HOMER2: variants seen among roughly 807,000 people sequenced by gnomAD.
The protein encoded by HOMER2 is homer protein homolog 2.
HOMER2 carries 27 observed loss-of-function variants against 47.0 expected under a neutral mutation model. The ratio of observed to expected loss-of-function variants is 0.57; its 90% confidence interval spans 0.42 to 0.79. The LOEUF (loss-of-function observed/expected upper bound fraction) is 0.79, where lower values mean the gene tolerates loss of function less well. Among genes scored for constraint, HOMER2 ranks in the 30% least tolerant of loss-of-function variants. The pLI is 0.00. For synonymous variants in HOMER2, 161 were observed against 163.8 expected (o/e 0.98, Z 0.13); for missense variants, 443 against 435.0 (o/e 1.02, Z -0.16).
At chr15:82,959,888 G>A (rs746537679) in intron 1 of HOMER2, among the ~76,000 whole-genome samples, 7 of 152,204 alleles carry the variant, frequency 4.6e-5, no homozygotes, top group Non-Finnish European at 1.0e-4. Context: ...CAAAGAATTT[G>A]TAAGGCCAGG....
chr15:82,900,579 T>G (rs1178414058), intron 1 of HOMER2, among the ~76,000 whole-genome samples: 1 of 152,206 alleles, frequency 6.6e-6, no homozygotes, highest in Non-Finnish European at 1.5e-5. Context: ...TATAAAGTTA[T>G]AGCAAACAAG....
chr15:82,908,941 A>G (rs750234), intron 1 of HOMER2, among the ~76,000 whole-genome samples: 91,624 of 151,694 alleles, frequency 0.6, 28,160 homozygotes, highest in African/African-American at 0.72. Context: ...AGACAACACC[A>G]GGGAGCCCAC....
chr15:82,902,568 T>C (rs774215375), intron 1 of HOMER2, among the ~76,000 whole-genome samples: 3 of 152,158 alleles, frequency 2.0e-5, no homozygotes, highest in African/African-American at 7.2e-5. Flanking sequence ...TCTGAGACAG[T>C]TGAATTCAAG....
chr15:82,840,853 G>A (rs1287895847), exon 2 of HOMER2: 1 of 151,136 alleles, frequency 6.6e-6, no homozygotes, highest in African/African-American at 2.4e-5. Context: ...GGCACTACTA[G>A]ATTTGGACAG....
chr15:82,966,725 T>A (rs967069367), intron 1 of HOMER2, among the ~76,000 whole-genome samples: 2 of 152,248 alleles, frequency 1.3e-5, no homozygotes, highest in Non-Finnish European at 2.9e-5. Flanking sequence ...ATTTCATGAC[T>A]GACATCTACT....
chr15:82,888,819 G>A (rs1596324326), intron 2 of HOMER2, among the ~76,000 whole-genome samples: 1 of 37,704 alleles, frequency 2.7e-5, no homozygotes, highest in African/African-American at 1.2e-4. Flanking sequence ...AGATGAACCC[G>A]GTACCTCAGA....
intron 1 of HOMER2, among the ~76,000 whole-genome samples, chr15:82,968,723 G>A (rs1185686774): frequency 6.6e-6 from 1 of 152,228 alleles, no homozygotes; most frequent in East Asian, 1.9e-4. Flanking sequence ...ACACTGTTAA[G>A]TGCTTTGGGG....
At chr15:82,863,983 A>G (rs2051878603) in intron 4 of HOMER2, among the ~76,000 whole-genome samples, 184 bp downstream of exon 4, 1 of 152,266 alleles carries the variant, frequency 6.6e-6, no homozygotes, top group African/African-American at 2.4e-5. Flanking sequence ...TCAGAAATAC[A>G]GTACCACATC....
At position 82,920,846 on chromosome 15, in the gene HOMER2, CT is replaced by C. The variant is rs76849781; in HGVS notation, c.6-28006del. 8.3e-3 allele frequency among the ~76,000 whole-genome samples: 1,123 copies of C among 135,694 alleles called. 1 individual carries two copies. The highest frequency in any genetic ancestry group is 0.013 in the East Asian group (60 of 4,600). The allele number at this position is 135,694 out of a possible 152,430, so 89.0% of individuals were successfully genotyped here. A position where few individuals can be genotyped will look rare whatever the true frequency, so the allele number is the denominator to read the frequency against. On this transcript the variant is annotated intron_variant, in intron 1 of 8. Transcript: ENST00000450735. ...CCTACCACTCTGGGGGTAAAACAAT[CT>C]TTTTTTTTTTTTTTTTTAAGACACA... is the stretch of plus-strand genomic sequence containing the variant.
At chr15:82,890,850 C>A (rs1334660512) in intron 2 of HOMER2, among the ~76,000 whole-genome samples, 1 of 152,190 alleles carries the variant, frequency 6.6e-6, no homozygotes, top group Non-Finnish European at 1.5e-5. Context: ...GCTGTCAGAA[C>A]ATCCTGGAAA....
intron 1 of HOMER2, among the ~76,000 whole-genome samples, chr15:82,934,842 G>A (rs2054105096): frequency 6.6e-6 from 1 of 152,130 alleles, no homozygotes; most frequent in East Asian, 1.9e-4. Flanking sequence ...TAGCCTTGCC[G>A]CCCACTCCCG....
intron 4 of HOMER2, 198 bp from the exon 5 acceptor site, chr15:82,859,333 A>G: frequency 2.9e-6 from 2 of 688,376 alleles, no homozygotes; most frequent in South Asian, 1.9e-5. Context: ...AAACAAACAA[A>G]AAAGAAAACA....
chr15:82,841,254 GACT>G (rs2051173093), exon 2 of HOMER2: 1 of 152,088 alleles, frequency 6.6e-6, no homozygotes, highest in South Asian at 2.1e-4. Context: ...AGTATACTAT[GACT>G]ACATCAGATT....
At chr15:82,978,065 G>A (rs2030265543) in intron 1 of HOMER2, among the ~76,000 whole-genome samples, 1 of 152,140 alleles carries the variant, frequency 6.6e-6, no homozygotes, top group South Asian at 2.1e-4. Flanking sequence ...CAGGAAAATC[G>A]CTTGAACCCG....
chr15:82,981,065 G>A (rs761630553), intron 1 of HOMER2, among the ~76,000 whole-genome samples: 3 of 152,140 alleles, frequency 2.0e-5, no homozygotes, highest in East Asian at 1.9e-4. Context: ...CAGTAAAGAC[G>A]GAGAGTTGAA....
intron 1 of HOMER2, among the ~76,000 whole-genome samples, chr15:82,920,811 C>T (rs952801870): frequency 4.0e-5 from 6 of 151,230 alleles, no homozygotes; most frequent in African/African-American, 1.5e-4. Context: ...CTATGGGAGA[C>T]ATTTTTTAGC....
chr15:82,900,360 C>G (rs907653441), intron 1 of HOMER2, among the ~76,000 whole-genome samples: 1 of 152,080 alleles, frequency 6.6e-6, no homozygotes, highest in Non-Finnish European at 1.5e-5. Flanking sequence ...CAGAAGAAAA[C>G]TTTAATAAGA....
intron 1 of HOMER2, among the ~76,000 whole-genome samples, chr15:82,965,222 T>C (rs2054662818): frequency 6.6e-6 from 1 of 152,212 alleles, no homozygotes. Context: ...TCTCACTATG[T>C]TGCCCAGGCT....
At chr15:82,901,880 C>A (rs1244291378) in intron 1 of HOMER2, among the ~76,000 whole-genome samples, 1 of 152,160 alleles carries the variant, frequency 6.6e-6, no homozygotes, top group Admixed American at 6.5e-5. Flanking sequence ...GCCAAGACTG[C>A]CAGGAAATAG....
Sources: gnomAD v4.1 joint callset for allele counts (sites outside exome capture counted in the v4.1 genomes callset) on GRCh38, gnomAD v4.1.1 for gene constraint, MANE v1.5 for transcripts, NCBI Gene and HGNC (gene_info 2026-07-23, HGNC 2026-07-21) for gene names.